The following MAP3K15 variants were observed in gnomAD, a reference collection of about 807,000 sequenced individuals.
MAP3K15 encodes the protein mitogen-activated protein kinase kinase kinase 15.
Under a neutral mutation model 99.5 loss-of-function variants are expected in MAP3K15, and 124 were observed. That is an observed-to-expected ratio of 1.25 (90% confidence interval 1.08 to 1.45). The LOEUF (loss-of-function observed/expected upper bound fraction) is 1.45, where lower values mean the gene tolerates loss of function less well. MAP3K15 is among the 40% of genes most tolerant of loss of function. The pLI is 0.00. For synonymous variants in MAP3K15, 494 were observed against 439.6 expected (o/e 1.12, Z -1.55); for missense variants, 1,242 against 1,079.7 (o/e 1.15, Z -2.11).
chrX:19,393,100 C>T (rs980500794), intron 16 of MAP3K15, among the ~76,000 whole-genome samples: 3 of 110,990 alleles, frequency 2.7e-5, no homozygotes, highest in Non-Finnish European at 3.8e-5. Flanking sequence ...AAAAGAAAAG[C>T]TCCCTTAAGG....
At position 19,431,625 on chromosome X, in the gene MAP3K15, A is replaced by T. The variant is rs1602304321; in HGVS notation, c.996-17T>A. On this transcript the variant is annotated splice_polypyrimidine_tract_variant and intron_variant, in intron 6 of 28. Coordinates refer to ENST00000338883, the MANE Select transcript of MAP3K15 (RefSeq NM_001001671.4). ...CTGTTTCTCCTGAAAGATAGATGTT[A>T]TAAGGTCACAAATGAATCAATCAAG... is the stretch of plus-strand genomic sequence containing the variant. 1 of 1,182,029 alleles carries T rather than the reference A, an allele frequency of 8.5e-7. No homozygotes were observed. Among genetic ancestry groups the T allele is most frequent in the African/African-American group, 1.7e-5 (1 of 57,495 alleles).
At chrX:19,451,279 CA>C (rs774870935) in intron 6 of MAP3K15, among the ~76,000 whole-genome samples, 10 of 28,635 alleles carry the variant, frequency 3.5e-4, no homozygotes, top group Middle Eastern at 0.024. Context: ...AGTCAGTTTC[CA>C]AAAAAAAAAA....
In MAP3K15 at chrX:19,415,041, G is replaced by A. The variant is rs771844878; in HGVS notation, c.1590+66C>T. ...TTTCTTCAGTTCAGAGTATTCAATA[G>A]TTAAATAGCACCAATCCCTAGTTTT... On this transcript the variant is annotated intron_variant, in intron 10 of 28. Transcript: ENST00000338883. 93 of 977,332 alleles carry A rather than the reference G, an allele frequency of 9.5e-5. No individual in the cohort carries two copies. In the African/African-American group the frequency reaches 1.7e-3, roughly 18 times the overall value. 80.5% of individuals were successfully genotyped at this position (977,332 alleles called of 1,213,427 possible).
chrX:19,375,724 C>T (rs1276867180), intron 19 of MAP3K15, among the ~76,000 whole-genome samples: 2 of 112,471 alleles, frequency 1.8e-5, no homozygotes, highest in African/African-American at 3.2e-5. Flanking sequence ...CAATCCCCGC[C>T]GAGTGAGCTC....
chrX:19,473,334 A>G (rs2064219955), intron 3 of MAP3K15, among the ~76,000 whole-genome samples: 1 of 112,355 alleles, frequency 8.9e-6, no homozygotes, highest in Admixed American at 9.5e-5. Flanking sequence ...AAGAGGAAGA[A>G]TAAACCTAAA....
At position 19,488,828 on chromosome X, in the gene MAP3K15, C is replaced by T; in HGVS notation, c.501G>A (p.Lys167=). The change falls in exon 2 of 29, where the codon AAG becomes AAA. Residue 167 remains lysine, a splice_region_variant and synonymous_variant. Transcript: ENST00000338883. ...TCAGGAGAAGGTGAATACACTGTAC[C>T]TTCAAAGAGAGAGCAGTGTCGGCAT... ...DTDADTALSL[K]DMVTQKNTAS... is the part of the protein sequence containing the mutation. 8.4e-7 allele frequency: 1 copy of T among 1,197,413 alleles called. No homozygotes were observed. Among genetic ancestry groups the T allele is most frequent in the Non-Finnish European group, 1.1e-6 (1 of 893,341 alleles).
chrX:19,392,657 T>C (rs1410898318), intron 16 of MAP3K15, among the ~76,000 whole-genome samples, 184 bp from the exon 17 acceptor site: 1 of 111,656 alleles, frequency 9.0e-6, no homozygotes, highest in African/African-American at 3.3e-5. Context: ...CTGGAAGCAA[T>C]TGAGCACATG....
In MAP3K15 at chrX:19,474,552, G is replaced by GC. The variant is rs755236065; in HGVS notation, c.526-10147_526-10146insG. Among the ~76,000 whole-genome samples the GC allele has an allele frequency of 1.4e-3, 133 of 94,810 alleles. 4 individuals are homozygous for GC. The highest frequency in any genetic ancestry group is 2.2e-3 in the Non-Finnish European group (101 of 46,728). The allele number at this position is 94,810 out of a possible 115,157, so 82.3% of individuals were successfully genotyped here. On this transcript the variant is annotated intron_variant, in intron 3 of 28. Transcript: ENST00000338883. Reference sequence around the variant, plus strand: ...AGTCATTCTTGGAGGTTGGGGGGGGGGGTCTGTGAACTTGAAAGAGAAAAA... The same window carrying GC: ...AGTCATTCTTGGAGGTTGGGGGGGGGCGGTCTGTGAACTTGAAAGAGAAAAA...
rs764208000 is a variant in MAP3K15, at chrX:19,362,762, G to A, written c.3655C>T (p.Leu1219Phe). Residue 1219 changes from leucine (L) to phenylalanine (F), a missense_variant, in exon 26 of 29, where the codon CTT (leucine) becomes TTT (phenylalanine). Coordinates refer to ENST00000338883, the MANE Select transcript of MAP3K15 (RefSeq NM_001001671.4). The stretch of plus-strand genomic sequence containing the variant: ...CAATTCGATTTTAATTTTAACTGAA[G>A]GTGATACAATTCTTGAGTTTTCTGT... ...LEQKTQELYHLQLKLKSNCIT... is the reference protein window; with the variant it reads ...LEQKTQELYHFQLKLKSNCIT... 1 of 1,174,490 alleles carries A rather than the reference G, an allele frequency of 8.5e-7. No homozygotes were observed. Among genetic ancestry groups the A allele is most frequent in the Non-Finnish European group, 1.2e-6 (1 of 867,627 alleles).
chrX:19,418,204 C>T (rs746786508), intron 9 of MAP3K15, among the ~76,000 whole-genome samples: 2 of 111,281 alleles, frequency 1.8e-5, no homozygotes, highest in East Asian at 2.8e-4. Context: ...ATGACTTTGA[C>T]GAGTTAAGAG....
Position 19,479,405 on chromosome X carries a change from C to G in MAP3K15, c.525+7077G>C, listed in dbSNP as rs189924673. ...TCCCTCCCAATGTGGTCAGCCAAAG[C>G]TGTCATTGAGCCTGCATCTCAGCTG... On this transcript the variant is annotated intron_variant, in intron 3 of 28. Coordinates refer to ENST00000338883, the MANE Select transcript of MAP3K15 (RefSeq NM_001001671.4). Among the ~76,000 whole-genome samples the G allele has an allele frequency of 2.3e-3, 258 of 111,419 alleles. 4 individuals are homozygous for G. Among genetic ancestry groups the G allele is most frequent in the African/African-American group, 8.1e-3 (249 of 30,631 alleles).
intron 3 of MAP3K15, among the ~76,000 whole-genome samples, chrX:19,466,056 C>A (rs149178867): frequency 3.6e-5 from 4 of 110,376 alleles, no homozygotes; most frequent in Non-Finnish European, 3.8e-5. Context: ...TGGGCTCAAG[C>A]GATCCTCCTG....
intron 5 of MAP3K15, among the ~76,000 whole-genome samples, chrX:19,457,834 T>C (rs941172873): frequency 9.0e-6 from 1 of 111,378 alleles, no homozygotes; most frequent in African/African-American, 3.3e-5. Context: ...TCCTGGGCAC[T>C]GTAGGATGCT....
chrX:19,429,434 A>C (rs2063860721), intron 7 of MAP3K15, among the ~76,000 whole-genome samples: 2 of 110,568 alleles, frequency 1.8e-5, no homozygotes, highest in East Asian at 5.7e-4. Context: ...CGGGGAGGTA[A>C]GTGAGCAAAA....
At chrX:19,513,850 T>C (rs1171229341) in intron 1 of MAP3K15, among the ~76,000 whole-genome samples, 2 of 110,232 alleles carry the variant, frequency 1.8e-5, no homozygotes, top group Non-Finnish European at 3.8e-5. Flanking sequence ...GGAAAAAACG[T>C]CAAGCAACAA....
At chrX:19,504,955 CAAAAA>C (rs778010766) in intron 1 of MAP3K15, among the ~76,000 whole-genome samples, 2 of 51,821 alleles carry the variant, frequency 3.9e-5, no homozygotes, top group South Asian at 1.4e-3. Context: ...GACCTCCTCT[CAAAAA>C]AAAAAAAAAA....
chrX:19,434,594 A>G (rs771634275), intron 6 of MAP3K15, among the ~76,000 whole-genome samples: 13 of 111,304 alleles, frequency 1.2e-4, no homozygotes, highest in African/African-American at 4.2e-4. Flanking sequence ...AAACTACTGC[A>G]TCATCCCAGA....
chrX:19,471,204 A>T (rs1425249497), intron 3 of MAP3K15, among the ~76,000 whole-genome samples: 2 of 111,939 alleles, frequency 1.8e-5, no homozygotes, highest in East Asian at 5.6e-4. Context: ...GAGTCCCAGA[A>T]GAAGAGGAGA....
chrX:19,434,900 C>T (rs747293287), intron 6 of MAP3K15, among the ~76,000 whole-genome samples: 54 of 111,837 alleles, frequency 4.8e-4, no homozygotes, highest in Non-Finnish European at 8.5e-4. Flanking sequence ...TATTTTGACT[C>T]GGACTTTTTC....
Sources: gnomAD v4.1 joint callset for allele counts (sites outside exome capture counted in the v4.1 genomes callset) on GRCh38, gnomAD v4.1.1 for gene constraint, MANE v1.5 for transcripts, NCBI Gene and HGNC (gene_info 2026-07-23, HGNC 2026-07-21) for gene names.